CFAP54: variants seen among roughly 807,000 people sequenced by gnomAD.
CFAP54 encodes cilia and flagella associated protein 54.
CFAP54 carries 290 observed loss-of-function variants against 370.4 expected under a neutral mutation model. The observed-to-expected ratio is 0.78, with a 90% CI of 0.71 to 0.86. The LOEUF (loss-of-function observed/expected upper bound fraction) is 0.86. CFAP54 is among the 40% of genes least tolerant of loss of function. The pLI, the probability that CFAP54 is intolerant of heterozygous loss-of-function variation, is 0.00. For missense variants in CFAP54, 3,399 were observed against 3,528.7 expected, an observed-to-expected ratio of 0.96 and a Z score of 0.93; for synonymous variants, 1,206 against 1,236.5, an observed-to-expected ratio of 0.98 and a Z score of 0.52.
At chr12:96,543,457 G>A (rs554014678) in intron 14 of CFAP54, among the ~76,000 whole-genome samples, 17 of 152,296 alleles carry the variant, frequency 1.1e-4, no homozygotes, top group African/African-American at 3.1e-4. Flanking sequence ...TTGGTGAAGG[G>A]CTGCTAGGAG....
chr12:96,861,071 A>G, intron 67 of CFAP54, 119 bp downstream of exon 67: 1 of 692,642 alleles, frequency 1.4e-6, no homozygotes, highest in Non-Finnish European at 2.1e-6. Context: ...AATTTCTTTA[A>G]AATTATTATT....
At chr12:96,746,193 C>T (rs1420973190) in intron 55 of CFAP54, among the ~76,000 whole-genome samples, 2 of 152,064 alleles carry the variant, frequency 1.3e-5, no homozygotes, top group Non-Finnish European at 2.9e-5. Flanking sequence ...ACATCCTTTT[C>T]TCTCCTTCCC....
chr12:96,501,117 T>A (rs1955020732), intron 2 of CFAP54, 178 bp downstream of exon 2: 2 of 483,112 alleles, frequency 4.1e-6, no homozygotes, highest in African/African-American at 3.9e-5. Context: ...CTTTTTAATT[T>A]TGTAGTTGAG....
At chr12:96,664,759 A>ATATATCTATATCTATATATATC in intron 39 of CFAP54, among the ~76,000 whole-genome samples, 1 of 26,132 alleles carries the variant, frequency 3.8e-5, no homozygotes, top group East Asian at 1.3e-3. Context: ...ATATATCTAT[A>ATATATCTATATCTATATATATC]TATATCTATA....
intron 17 of CFAP54, among the ~76,000 whole-genome samples, chr12:96,558,559 C>A (rs1421917701): frequency 2.6e-5 from 4 of 152,036 alleles, no homozygotes; most frequent in African/African-American, 9.7e-5. Flanking sequence ...ACCAATAGAA[C>A]AAAATAGAGA....
chr12:96,827,829 TTA>T (rs1360886867), intron 65 of CFAP54, among the ~76,000 whole-genome samples: 1 of 112,368 alleles, frequency 8.9e-6, no homozygotes, highest in African/African-American at 3.6e-5. Context: ...TTATATATAG[TTA>T]TATATAATAT....
At chr12:96,865,280 C>A (rs998029465) in intron 67 of CFAP54, among the ~76,000 whole-genome samples, 1 of 152,032 alleles carries the variant, frequency 6.6e-6, no homozygotes, top group Admixed American at 6.6e-5. Flanking sequence ...TAATGAATAA[C>A]TAAACAACAT....
At chr12:96,521,545 TGTGCGC>T (rs1447282011) in intron 6 of CFAP54, among the ~76,000 whole-genome samples, 992 of 41,278 alleles carry the variant, frequency 0.024, 10 homozygotes, top group African/African-American at 0.087. Context: ...TGTGTGTGTG[TGTGCGC>T]GTGCGCACAT....
chr12:96,509,720 G>A (rs1284498814), intron 4 of CFAP54, among the ~76,000 whole-genome samples: 1 of 151,824 alleles, frequency 6.6e-6, no homozygotes, highest in African/African-American at 2.4e-5. Flanking sequence ...GGAGGCTGAG[G>A]CAGGAGAATT....
At chr12:96,505,223 C>G (rs1955085485) in intron 3 of CFAP54, among the ~76,000 whole-genome samples, 1 of 151,784 alleles carries the variant, frequency 6.6e-6, no homozygotes, top group Non-Finnish European at 1.5e-5. Flanking sequence ...ACCACCATGC[C>G]CGGCTAATTT....
At chr12:96,705,755 TG>T (rs909240684) in intron 47 of CFAP54, among the ~76,000 whole-genome samples, 2 of 152,228 alleles carry the variant, frequency 1.3e-5, no homozygotes, top group African/African-American at 2.4e-5. Flanking sequence ...TTATACTTTA[TG>T]TTTTTTTGCA....
intron 40 of CFAP54, among the ~76,000 whole-genome samples, chr12:96,682,738 C>G (rs1208645842): frequency 6.6e-6 from 1 of 152,114 alleles, no homozygotes; most frequent in Non-Finnish European, 1.5e-5. Flanking sequence ...TGAAATCTTA[C>G]TTTTAAAAGA....
At position 96,618,142 on chromosome 12, in the gene CFAP54, G is replaced by A. The variant is rs1185493832; in HGVS notation, c.3640-3448G>A. Among the ~76,000 whole-genome samples, 8 of 152,114 alleles carry A rather than the reference G, an allele frequency of 5.3e-5. 1 individual carries two copies. The highest frequency in any genetic ancestry group is 6.8e-3 in the Middle Eastern group (2 of 294). ...CAGGGCACTGAACACAACTACTTAC[G>A]TTTAAGTAACTAACAGGGGCTACTG... On this transcript the variant is annotated intron_variant, in intron 26 of 67. Transcript: ENST00000524981.
At chr12:96,709,356 T>C (rs757662582) in intron 48 of CFAP54, among the ~76,000 whole-genome samples, 6 of 152,238 alleles carry the variant, frequency 3.9e-5, no homozygotes, top group Admixed American at 6.5e-5. Context: ...TATCTTTCTA[T>C]GGGGTATATA....
chr12:96,852,219 G>A (rs568021136), intron 66 of CFAP54, among the ~76,000 whole-genome samples: 1 of 152,216 alleles, frequency 6.6e-6, no homozygotes, highest in South Asian at 2.1e-4. Context: ...TCATTAAAGA[G>A]CTACAATAAC....
intron 67 of CFAP54, among the ~76,000 whole-genome samples, chr12:96,872,167 CAT>C (rs981007729): frequency 3.6e-4 from 55 of 151,908 alleles, no homozygotes; most frequent in African/African-American, 1.2e-3. Context: ...ATAGGAAAAA[CAT>C]ATTAAAATCA....
chr12:96,756,535 C>T lies in CFAP54; in HGVS notation c.7918C>T (p.Leu2640=), dbSNP rs1958259880. Residue 2640 remains leucine (L), a synonymous_variant, in exon 57 of 68, where the codon CTA becomes TTA. Coordinates refer to ENST00000524981, the MANE Select transcript of CFAP54 (RefSeq NM_001306084.2). ...QLESLYEAIQ[L]SLKNDQNSGL... is the part of the protein sequence containing the mutation. Reference sequence around the variant, plus strand: ...TGAGAGTTTATATGAAGCTATACAACTAAGCCTGAAAAATGATCAAAACTC... The same window carrying T: ...TGAGAGTTTATATGAAGCTATACAATTAAGCCTGAAAAATGATCAAAACTC... 3 of 1,604,852 alleles carry T rather than the reference C, an allele frequency of 1.9e-6. No homozygotes were observed. The highest frequency in any genetic ancestry group is 2.6e-6 in the Non-Finnish European group (3 of 1,174,076).
chr12:96,505,959 A>G (rs571143185), intron 3 of CFAP54, among the ~76,000 whole-genome samples: 2 of 152,236 alleles, frequency 1.3e-5, no homozygotes, highest in Admixed American at 1.3e-4. Flanking sequence ...TGCTCAAGAA[A>G]CATTTGTTGA....
intron 58 of CFAP54, among the ~76,000 whole-genome samples, chr12:96,763,811 T>C (rs892685687): frequency 6.6e-6 from 1 of 152,060 alleles, no homozygotes; most frequent in Non-Finnish European, 1.5e-5. Flanking sequence ...TGTTAACTTA[T>C]TACACAAATA....
Sources: gnomAD v4.1 joint callset for allele counts (sites outside exome capture counted in the v4.1 genomes callset) on GRCh38, gnomAD v4.1.1 for gene constraint, MANE v1.5 for transcripts, NCBI Gene and HGNC (gene_info 2026-07-23, HGNC 2026-07-21) for gene names.